The following GABRA6 variants were observed in gnomAD, a reference collection of about 807,000 sequenced individuals.
GABRA6 encodes gamma-aminobutyric acid type A receptor subunit alpha6, also known as gamma-aminobutyric acid receptor subunit alpha-6.
A neutral mutation model predicts 47.3 loss-of-function variants in GABRA6; 45 were observed. The ratio of observed to expected loss-of-function variants is 0.95; its 90% confidence interval spans 0.75 to 1.22. The LOEUF is 1.22. GABRA6 is among the 50% of genes most tolerant of loss of function. The probability of loss-of-function intolerance (pLI) is 0.00; values close to 1 mark genes in which losing one functional copy is unlikely to be tolerated. For missense variants in GABRA6, 583 were observed against 549.3 expected, an observed-to-expected ratio of 1.06 and a Z score of -0.61; for synonymous variants, 219 against 194.7, an observed-to-expected ratio of 1.12 and a Z score of -1.04.
intron 3 of GABRA6, 127 bp downstream of exon 3, chr5:161,687,130 C>A: frequency 1.3e-6 from 1 of 787,248 alleles, no homozygotes; most frequent in East Asian, 2.5e-5. Context: ...TGTATTCATG[C>A]TGGGAGGGCA....
rs1242931541 is a variant in GABRA6, at chr5:161,686,002, C to CTGGCTG, written c.15_16insGCTGTG (p.Leu5_Pro6insAlaVal). On this transcript the variant is annotated inframe_insertion, in exon 1 of 9. Coordinates refer to ENST00000274545, the MANE Select transcript of GABRA6 (RefSeq NM_000811.3). Reference sequence around the variant, plus strand: ...AGTGCACTGCAGGATGGCGTCGTCTCTGCCCTGGCTGTGCATTATTCTGTG... The same window carrying CTGGCTG: ...AGTGCACTGCAGGATGGCGTCGTCTCTGGCTGTGCCCTGGCTGTGCATTATTCTGTG... 2 of 1,613,958 alleles carry CTGGCTG rather than the reference C, an allele frequency of 1.2e-6. No homozygotes were observed. The highest frequency in any genetic ancestry group is 1.7e-6 in the Non-Finnish European group (2 of 1,179,840).
Position 161,686,947 on chromosome 5 carries a change from GA to G in GABRA6, c.171del (p.Val58SerfsTer7), listed in dbSNP as rs946681946. ...TGGGCTAATTTCAGGTGCTGTCACT[GA>G]AGTCAAAACAGACATTTATGTGACC... is the stretch of plus-strand genomic sequence containing the variant. ...LRPGFGGAVT[E>X]VKTDIYVTSF... On this transcript the variant is annotated frameshift_variant, in exon 3 of 9. Coordinates refer to ENST00000274545, the MANE Select transcript of GABRA6 (RefSeq NM_000811.3). LOFTEE classifies it high-confidence loss of function. 1.2e-6 allele frequency: 2 copies of G among 1,613,856 alleles called. No individual in the cohort carries two copies. The highest frequency in any genetic ancestry group is 1.3e-5 in the African/African-American group (1 of 74,906).
chr5:161,690,599 G>T (rs1754773918), intron 7 of GABRA6, among the ~76,000 whole-genome samples: 1 of 152,090 alleles, frequency 6.6e-6, no homozygotes, highest in Non-Finnish European at 1.5e-5. Context: ...TGTCCTATTT[G>T]CAGTGCTTTA....
intron 8 of GABRA6, among the ~76,000 whole-genome samples, chr5:161,696,808 A>G (rs1754895754): frequency 6.6e-6 from 1 of 152,186 alleles, no homozygotes; most frequent in African/African-American, 2.4e-5. Flanking sequence ...GATTAATATG[A>G]TGACTTTTGC....
rs143547523 is a variant in GABRA6, at chr5:161,688,291, CT to C, written c.226-654del. Among the ~76,000 whole-genome samples the C allele has an allele frequency of 2.7e-3, 407 of 152,250 alleles. 1 individual carries two copies. Among genetic ancestry groups the C allele is most frequent in the African/African-American group, 9.5e-3 (396 of 41,558 alleles). The stretch of plus-strand genomic sequence containing the variant: ...ATTACAAGTTGTTATTTGTTATTGA[CT>C]TTTGCAATAGCTCTTATTATAATTC... On this transcript the variant is annotated intron_variant, in intron 3 of 8. Coordinates refer to ENST00000274545, the MANE Select transcript of GABRA6 (RefSeq NM_000811.3).
intron 8 of GABRA6, among the ~76,000 whole-genome samples, chr5:161,694,206 A>G (rs147100295): frequency 1.2e-3 from 187 of 151,956 alleles, no homozygotes; most frequent in African/African-American, 4.4e-3. Flanking sequence ...TAATCTATAT[A>G]TTGTCCATAG....
chr5:161,700,056 T>G (rs549588983), intron 8 of GABRA6, among the ~76,000 whole-genome samples: 1 of 152,336 alleles, frequency 6.6e-6, no homozygotes, highest in South Asian at 2.1e-4. Flanking sequence ...CTATTATTAT[T>G]TAGATACCCA....
Position 161,689,391 on chromosome 5 carries a change from C to T in GABRA6, c.529+55C>T. 3.4e-6 allele frequency: 5 copies of T among 1,459,644 alleles called. No individual in the cohort carries two copies. The Admixed American group carries it at 8.4e-5, about 24-fold the overall frequency. 90.4% of individuals were successfully genotyped at this position (1,459,644 alleles called of 1,614,324 possible). A position where few individuals can be genotyped will look rare whatever the true frequency, so the allele number is the denominator to read the frequency against. On this transcript the variant is annotated intron_variant, in intron 5 of 8. Coordinates refer to ENST00000274545, the MANE Select transcript of GABRA6 (RefSeq NM_000811.3). The stretch of plus-strand genomic sequence containing the variant: ...ATAATACATCCAAAATATATAATTA[C>T]TTGGTTTTAGTTGATACTGGAAATC...
At position 161,689,888 on chromosome 5, in the gene GABRA6, G is replaced by C. The variant is rs548355913; in HGVS notation, c.673+109G>C. 27 of 1,243,064 alleles carry C rather than the reference G, an allele frequency of 2.2e-5. 1 individual carries two copies. The highest frequency in any genetic ancestry group is 1.4e-4 in the Admixed American group (8 of 57,684). 77.0% of individuals were successfully genotyped at this position (1,243,064 alleles called of 1,614,324 possible). On this transcript the variant is annotated intron_variant, in intron 6 of 8. Coordinates refer to ENST00000274545, the MANE Select transcript of GABRA6 (RefSeq NM_000811.3). ...GCCTTAGCCATTCTCAGCTAAGCAT[G>C]CTGTTTTGCAGTGATGAGTAGCTTT... is the stretch of plus-strand genomic sequence containing the variant.
rs1754692410 is a variant in GABRA6, at chr5:161,686,348, G to T, written c.157G>T (p.Gly53Cys). 1.2e-6 allele frequency: 2 copies of T among 1,608,150 alleles called. No homozygotes were observed. The highest frequency in any genetic ancestry group is 4.5e-5 in the East Asian group (2 of 44,854). Residue 53 changes from glycine to cysteine, a missense_variant and splice_region_variant, in exon 2 of 9, where the codon GGT (glycine) becomes TGT (cysteine). Physicochemically the swap from Gly to Cys is radical, Grantham distance 159. Transcript: ENST00000274545. ...YDNRLRPGFG[G>C]AVTEVKTDIY... ...CAATCGGCTGCGGCCGGGATTTGGA[G>T]GTAAGAAGCTGCATCTTTGCTACAC...
At chr5:161,690,961 T>C (rs962443563) in intron 7 of GABRA6, among the ~76,000 whole-genome samples, 1 of 152,108 alleles carries the variant, frequency 6.6e-6, no homozygotes, top group Non-Finnish European at 1.5e-5. Flanking sequence ...AAATCATAAA[T>C]CTTGATTTTT....
intron 2 of GABRA6, 74 bp from the exon 3 acceptor site, chr5:161,686,862 G>C (rs935174102): frequency 8.0e-7 from 1 of 1,251,850 alleles, no homozygotes; most frequent in African/African-American, 1.5e-5. Context: ...TAAGGGGTTT[G>C]GTGGTAGAGG....
intron 5 of GABRA6, 127 bp downstream of exon 5, chr5:161,689,463 T>C: frequency 1.9e-6 from 2 of 1,027,166 alleles, no homozygotes; most frequent in Middle Eastern, 2.3e-4. Context: ...TCTAGGAATA[T>C]ACTTAATCAT....
Position 161,685,930 on chromosome 5 carries a change from G to T in GABRA6, c.-60G>T. ...TTCTCCAGTTGATTGGCAGAGAAGA[G>T]CTGGCTAGCAGGGAGGACGACCCTA... is the stretch of plus-strand genomic sequence containing the variant. On this transcript the variant is annotated 5_prime_UTR_variant, in exon 1 of 9. Transcript: ENST00000274545. 7.4e-7 allele frequency: 1 copy of T among 1,357,332 alleles called. No homozygotes were observed. The highest frequency in any genetic ancestry group is 1.7e-5 in the Admixed American group (1 of 59,648). 84.1% of individuals were successfully genotyped at this position (1,357,332 alleles called of 1,614,324 possible).
intron 8 of GABRA6, among the ~76,000 whole-genome samples, chr5:161,693,669 T>A (rs1331621236): frequency 7.1e-6 from 1 of 139,956 alleles, no homozygotes; most frequent in South Asian, 2.3e-4. Context: ...AAAAAAAAAA[T>A]TGCTCTGTGG....
At chr5:161,694,121 A>G (rs921643525) in intron 8 of GABRA6, among the ~76,000 whole-genome samples, 2 of 152,082 alleles carry the variant, frequency 1.3e-5, no homozygotes, top group Non-Finnish European at 2.9e-5. Context: ...TAAATTCCAA[A>G]TGTTTCTGAG....
At chr5:161,689,809 T>C in intron 6 of GABRA6, 30 bp downstream of exon 6, 2 of 1,595,968 alleles carry the variant, frequency 1.3e-6, no homozygotes, top group Middle Eastern at 1.7e-4. Flanking sequence ...ATGGAAATAA[T>C]CCCTCAGGAT....
Position 161,702,174 on chromosome 5 carries a change from G to C in GABRA6, c.*401G>C, listed in dbSNP as rs796065470. ...ATATGTTTATTTTGGCTTAGTTCCC[G>C]AGAGGGCAAAATATAAATACAGTCT... On this transcript the variant is annotated 3_prime_UTR_variant, in exon 9 of 9. Coordinates refer to ENST00000274545, the MANE Select transcript of GABRA6 (RefSeq NM_000811.3). The C allele has an allele frequency of 4.0e-5, 9 of 225,464 alleles. No individual in the cohort carries two copies. The highest frequency in any genetic ancestry group is 1.6e-4 in the African/African-American group (7 of 43,530). 14.0% of individuals were successfully genotyped at this position (225,464 alleles called of 1,614,324 possible).
chr5:161,691,977 T>A lies in GABRA6; in HGVS notation c.863T>A (p.Ile288Asn). The A allele has an allele frequency of 6.2e-7, 1 of 1,613,958 alleles. No individual in the cohort carries two copies. Among genetic ancestry groups the A allele is most frequent in the Non-Finnish European group, 8.5e-7 (1 of 1,179,836 alleles). ...TTVLTMTTLS[I>N]SARHSLPKVS... ...GTTTTAACTATGACCACTTTGAGCA[T>A]CAGTGCCCGGCACTCTTTGCCAAAA... The change falls in exon 8 of 9, where the codon ATC (isoleucine) becomes AAC (asparagine). Residue 288 changes from isoleucine (I) to asparagine (N), a missense_variant. Physicochemically the swap from Ile to Asn is moderately radical, Grantham distance 149. Coordinates refer to ENST00000274545, the MANE Select transcript of GABRA6 (RefSeq NM_000811.3).
Sources: allele counts gnomAD v4.1 joint callset (sites outside exome capture counted in the v4.1 genomes callset), GRCh38; gene constraint gnomAD v4.1.1; transcripts MANE v1.5; gene names NCBI Gene and HGNC (gene_info 2026-07-23, HGNC 2026-07-21).